Variants in NXPE2 observed in about 807,000 individuals in gnomAD.
The protein encoded by NXPE2 is neurexophilin and PC-esterase domain family member 2.
In NXPE2, 34 loss-of-function variants were observed where a neutral mutation model predicts 34.4. The ratio of observed to expected loss-of-function variants is 0.99; its 90% CI spans 0.75 to 1.31. The LOEUF (loss-of-function observed/expected upper bound fraction) is 1.31. Among genes scored for constraint, NXPE2 ranks in the 40% most tolerant of loss-of-function variants. The pLI, the probability that NXPE2 is intolerant of heterozygous loss-of-function variation, is 0.00. For missense variants in NXPE2, 649 were observed against 672.5 expected, an observed-to-expected ratio of 0.97 and a Z score of 0.39; for synonymous variants, 235 against 231.3, an observed-to-expected ratio of 1.02 and a Z score of -0.15.
chr11:114,523,124 T>C, the NXPE2 span: 2 of 1,518,300 alleles, frequency 1.3e-6, no homozygotes, highest in South Asian at 2.3e-5. Context: ...ATGATTTTAT[T>C]GGCAAAACTT....
the NXPE2 span, among the ~76,000 whole-genome samples, chr11:114,641,220 A>T: frequency 6.6e-6 from 1 of 152,024 alleles, no homozygotes; most frequent in Non-Finnish European, 1.5e-5. Flanking sequence ...TTGAGAAAAC[A>T]TGAAAGACAA....
the NXPE2 span, among the ~76,000 whole-genome samples, chr11:114,464,285 T>A: frequency 6.6e-6 from 1 of 152,112 alleles, no homozygotes; most frequent in Non-Finnish European, 1.5e-5. Flanking sequence ...ACAAATTTTT[T>A]AATTTTTTGT....
At chr11:114,766,514 C>T in the NXPE2 span, among the ~76,000 whole-genome samples, 8 of 152,064 alleles carry the variant, frequency 5.3e-5, no homozygotes, top group Non-Finnish European at 1.0e-4. Flanking sequence ...CTCTTCACTC[C>T]TCTCCTTGCT....
At chr11:114,688,282 T>C (rs976058856) in intron 2 of NXPE2, among the ~76,000 whole-genome samples, 5 of 152,110 alleles carry the variant, frequency 3.3e-5, no homozygotes, top group Non-Finnish European at 5.9e-5. Flanking sequence ...TGTTGAAGGT[T>C]TTTTATCATA....
At chr11:114,571,549 G>T in the NXPE2 span, 2 of 1,243,300 alleles carry the variant, frequency 1.6e-6, no homozygotes, top group South Asian at 1.5e-5. Context: ...AGATGGAAGA[G>T]ATTTGATTGG....
chr11:114,465,906 A>G, the NXPE2 span, among the ~76,000 whole-genome samples: 12 of 152,224 alleles, frequency 7.9e-5, no homozygotes, highest in African/African-American at 2.9e-4. Context: ...TTGTTTTGTT[A>G]TTAATATCAA....
At chr11:114,592,531 TCA>T in the NXPE2 span, among the ~76,000 whole-genome samples, 13 of 148,228 alleles carry the variant, frequency 8.8e-5, no homozygotes, top group South Asian at 1.9e-3. Flanking sequence ...ACACACACAC[TCA>T]CACACACACA....
the NXPE2 span, among the ~76,000 whole-genome samples, chr11:114,785,490 T>A: frequency 4.6e-5 from 7 of 152,190 alleles, no homozygotes; most frequent in Non-Finnish European, 8.8e-5. Context: ...GTACAGCTCA[T>A]CAATGGCTCA....
At chr11:114,654,530 T>C in the NXPE2 span, among the ~76,000 whole-genome samples, 1 of 152,060 alleles carries the variant, frequency 6.6e-6, no homozygotes, top group Admixed American at 6.6e-5. Flanking sequence ...TGTCCATGTG[T>C]TCTCAATGTT....
At chr11:114,711,509 C>T (rs559293917), downstream of NXPE2, among the ~76,000 whole-genome samples, 55 of 152,176 alleles carry the variant, frequency 3.6e-4, no homozygotes, top group Non-Finnish European at 6.9e-4. Context: ...AGAAAACAAT[C>T]CCATTTCTTA....
At chr11:114,621,076 G>A in the NXPE2 span, among the ~76,000 whole-genome samples, 15 of 152,158 alleles carry the variant, frequency 9.9e-5, no homozygotes, top group South Asian at 2.1e-4. Context: ...CTATTACCCC[G>A]TGGATAATAA....
chr11:114,774,899 C>T, the NXPE2 span, among the ~76,000 whole-genome samples: 131 of 152,304 alleles, frequency 8.6e-4, no homozygotes, highest in African/African-American at 2.8e-3. Context: ...TGCGCTGGTA[C>T]CTATGGCTGG....
chr11:114,793,707 C>T, the NXPE2 span, among the ~76,000 whole-genome samples: 1 of 151,970 alleles, frequency 6.6e-6, no homozygotes, highest in South Asian at 2.1e-4. Context: ...GAGCGAAAGG[C>T]CAGATGGTGA....
At chr11:114,476,499 T>C in the NXPE2 span, among the ~76,000 whole-genome samples, 1 of 152,206 alleles carries the variant, frequency 6.6e-6, no homozygotes, top group Non-Finnish European at 1.5e-5. Context: ...CTATAAAGAA[T>C]ACCTGAGACT....
the NXPE2 span, among the ~76,000 whole-genome samples, chr11:114,579,167 A>T: frequency 1.3e-5 from 2 of 152,296 alleles, no homozygotes; most frequent in East Asian, 3.9e-4. Context: ...CCAGTGTGTC[A>T]CATGGTGAGA....
At chr11:114,490,934 G>A in the NXPE2 span, among the ~76,000 whole-genome samples, 27 of 150,732 alleles carry the variant, frequency 1.8e-4, no homozygotes, top group South Asian at 6.3e-4. Flanking sequence ...AGGCCGAGGC[G>A]GGTGGATCAT....
the NXPE2 span, among the ~76,000 whole-genome samples, chr11:114,491,253 C>T: frequency 1.3e-5 from 2 of 151,034 alleles, no homozygotes; most frequent in Non-Finnish European, 2.9e-5. Flanking sequence ...AAAATTTTCG[C>T]AACCTACTCA....
At chr11:114,551,511 T>A in the NXPE2 span, 1 of 685,706 alleles carries the variant, frequency 1.5e-6, no homozygotes, top group Non-Finnish European at 1.9e-6. Context: ...TTACAAGACA[T>A]AACAATTACA....
the NXPE2 span, among the ~76,000 whole-genome samples, chr11:114,537,911 C>T: frequency 1.1e-4 from 16 of 152,072 alleles, no homozygotes; most frequent in Non-Finnish European, 2.2e-4. Flanking sequence ...TGACTTTCTT[C>T]ACAGAATTGG....
Sources: gnomAD v4.1 joint callset for allele counts (sites outside exome capture counted in the v4.1 genomes callset) on GRCh38, gnomAD v4.1.1 for gene constraint, MANE v1.5 for transcripts, NCBI Gene and HGNC (gene_info 2026-07-23, HGNC 2026-07-21) for gene names.